SLC7A11: variants seen among roughly 807,000 people sequenced by gnomAD.
SLC7A11 encodes cystine/glutamate transporter.
A neutral mutation model predicts 54.5 loss-of-function variants in SLC7A11; 35 were observed. The observed-to-expected ratio is 0.64, with a 90% CI of 0.49 to 0.85. The LOEUF is 0.85. SLC7A11 is among the 40% of genes least tolerant of loss of function. The pLI is 0.00. For missense variants in SLC7A11, 583 were observed against 618.1 expected (o/e 0.94, Z 0.60); for synonymous variants, 230 against 225.2 (o/e 1.02, Z -0.19).
chr4:138,215,325 A>T (rs990129866), intron 5 of SLC7A11, among the ~76,000 whole-genome samples: 2 of 152,136 alleles, frequency 1.3e-5, no homozygotes, highest in African/African-American at 4.8e-5. Context: ...AGGAGCACAG[A>T]TTCATAGGTA....
At chr4:138,200,358 G>A (rs1225962052) in intron 6 of SLC7A11, among the ~76,000 whole-genome samples, 2 of 152,102 alleles carry the variant, frequency 1.3e-5, no homozygotes, top group Middle Eastern at 6.8e-3. Flanking sequence ...TTCAGTAAAC[G>A]ACCTGAAATG....
intron 6 of SLC7A11, among the ~76,000 whole-genome samples, chr4:138,194,622 T>C (rs892430892): frequency 6.6e-6 from 1 of 152,164 alleles, no homozygotes; most frequent in Non-Finnish European, 1.5e-5. Context: ...AAAATGTCTA[T>C]ATATACCATC....
chr4:138,186,270 C>G (rs533327521), intron 6 of SLC7A11, among the ~76,000 whole-genome samples: 2 of 152,118 alleles, frequency 1.3e-5, no homozygotes, highest in Non-Finnish European at 2.9e-5. Flanking sequence ...TCAGCCCTCA[C>G]GGAGCCTTCA....
At chr4:138,218,056 C>T (rs1163139785) in intron 5 of SLC7A11, among the ~76,000 whole-genome samples, 1 of 152,088 alleles carries the variant, frequency 6.6e-6, no homozygotes, top group Non-Finnish European at 1.5e-5. Context: ...CATATTTTGC[C>T]TCAAAGGCCA....
intron 6 of SLC7A11, among the ~76,000 whole-genome samples, chr4:138,206,996 C>CCAA (rs1553943857): frequency 3.5e-5 from 4 of 113,614 alleles, no homozygotes; most frequent in African/African-American, 1.3e-4. Context: ...TAAAGAAAAG[C>CCAA]AAAAAAAAAA....
intron 6 of SLC7A11, among the ~76,000 whole-genome samples, chr4:138,201,391 TAAGA>T (rs1051617084): frequency 5.3e-5 from 8 of 152,084 alleles, no homozygotes; most frequent in African/African-American, 1.7e-4. Flanking sequence ...AGAAAGCATA[TAAGA>T]AAGGGAAAGA....
chr4:138,224,564 C>T (rs539230023), intron 3 of SLC7A11, among the ~76,000 whole-genome samples: 1 of 152,082 alleles, frequency 6.6e-6, no homozygotes, highest in South Asian at 2.1e-4. Context: ...CAGAATTTAA[C>T]AATCAATGCA....
At chr4:138,213,415 G>A (rs1039416890) in intron 6 of SLC7A11, among the ~76,000 whole-genome samples, 13 of 151,946 alleles carry the variant, frequency 8.6e-5, no homozygotes, top group African/African-American at 3.1e-4. Flanking sequence ...CTATCTTAGT[G>A]TGAATTGTCA....
At position 138,241,981 on chromosome 4, in the gene SLC7A11, T is replaced by C. The variant is rs1209568964; in HGVS notation, c.89A>G (p.Lys30Arg). 6.2e-7 allele frequency: 1 copy of C among 1,614,200 alleles called. No homozygotes were observed. The highest frequency in any genetic ancestry group is 8.5e-7 in the Non-Finnish European group (1 of 1,180,034). ...VNGRLPSLGN[K>R]EPPGQEKVQL... is the part of the protein sequence containing the mutation. ...CACTTTCTCCTGCCCAGGTGGCTCC[T>C]TGTTGCCCAGGGAAGGCAGCCTCCC... Residue 30 changes from lysine (K) to arginine (R), a missense_variant, in exon 1 of 12, where the codon AAG becomes AGG. Coordinates refer to ENST00000280612, the MANE Select transcript of SLC7A11 (RefSeq NM_014331.4).
chr4:138,230,719 T>A (rs1445015302), intron 3 of SLC7A11, among the ~76,000 whole-genome samples: 1 of 152,172 alleles, frequency 6.6e-6, no homozygotes, highest in Non-Finnish European at 1.5e-5. Context: ...TGAAGCAAAC[T>A]CTATTTCATT....
At position 138,168,486 on chromosome 4, in the gene SLC7A11, GATAAA is replaced by G. The variant is rs1736325690; in HGVS notation, c.*3465_*3469del. The G allele has an allele frequency of 6.6e-6, 1 of 152,092 alleles. No individual in the cohort carries two copies. The highest frequency in any genetic ancestry group is 2.1e-4 in the South Asian group (1 of 4,824). 9.4% of individuals were successfully genotyped at this position (152,092 alleles called of 1,614,324 possible). A position where few individuals can be genotyped will look rare whatever the true frequency, so the allele number is the denominator to read the frequency against. ...AGCAGTATATTCATCTGCAAATCAA[GATAAA>G]ATAATGATTTTCCTGTAGACTGATT... On this transcript the variant is annotated 3_prime_UTR_variant, in exon 12 of 12. Coordinates refer to ENST00000280612, the MANE Select transcript of SLC7A11 (RefSeq NM_014331.4).
Position 138,180,681 on chromosome 4 carries a change from T to C in SLC7A11, c.1226A>G (p.Tyr409Cys), listed in dbSNP as rs1262845464. ...FIGLAVAGLIYLRYKCPDMHR... is the reference protein window; with the variant it reads ...FIGLAVAGLICLRYKCPDMHR... ...CATATCTGGGCATTTGTATCGAAGA[T>C]AAATCAGCCCAGCAACTGCCAGCCC... Residue 409 changes from tyrosine (Y) to cysteine (C), a missense_variant, in exon 10 of 12, where the codon TAT (tyrosine) becomes TGT (cysteine). Physicochemically the swap from Tyr to Cys is radical, Grantham distance 194. Coordinates refer to ENST00000280612, the MANE Select transcript of SLC7A11 (RefSeq NM_014331.4). The C allele has an allele frequency of 2.5e-6, 4 of 1,612,828 alleles. No homozygotes were observed. The highest frequency in any genetic ancestry group is 3.4e-6 in the Non-Finnish European group (4 of 1,179,406).
intron 6 of SLC7A11, among the ~76,000 whole-genome samples, chr4:138,203,047 A>C (rs1737325104): frequency 6.6e-6 from 1 of 152,122 alleles, no homozygotes; most frequent in African/African-American, 2.4e-5. Flanking sequence ...TGACCTTACC[A>C]CACTTATAAG....
chr4:138,227,544 T>C (rs942287777), intron 3 of SLC7A11, among the ~76,000 whole-genome samples: 5 of 152,180 alleles, frequency 3.3e-5, no homozygotes, highest in African/African-American at 1.2e-4. Context: ...TATGACATAG[T>C]CATTTTATTG....
chr4:138,231,483 T>C (rs1034073402), intron 3 of SLC7A11, among the ~76,000 whole-genome samples: 1 of 152,192 alleles, frequency 6.6e-6, no homozygotes, highest in Non-Finnish European at 1.5e-5. Context: ...CTGTGTAGCT[T>C]TCTCTTTATG....
intron 6 of SLC7A11, among the ~76,000 whole-genome samples, chr4:138,206,763 G>A (rs1221243289): frequency 1.3e-5 from 2 of 151,740 alleles, no homozygotes; most frequent in Non-Finnish European, 2.9e-5. Context: ...TTGATCCCAA[G>A]GTACATCAAC....
At position 138,223,292 on chromosome 4, in the gene SLC7A11, T is replaced by G. The variant is rs1737860763; in HGVS notation, c.553A>C (p.Ser185Arg). 5.0e-6 allele frequency: 8 copies of G among 1,613,678 alleles called. No individual in the cohort carries two copies. The highest frequency in any genetic ancestry group is 1.3e-5 in the African/African-American group (1 of 75,044). The change falls in exon 4 of 12, where the codon AGC (serine) becomes CGC (arginine). Residue 185 changes from serine to arginine, a missense_variant. Coordinates refer to ENST00000280612, the MANE Select transcript of SLC7A11 (RefSeq NM_014331.4). ...VVMVLNSMSV[S>R]WSARIQIFLT... is the part of the protein sequence containing the mutation. ...AAAATCTGGATCCGGGCGCTCCAGC[T>G]GACACTCATGCTATTTAGGACCATC...
At chr4:138,194,153 G>A (rs1040313692) in intron 6 of SLC7A11, among the ~76,000 whole-genome samples, 3 of 152,078 alleles carry the variant, frequency 2.0e-5, no homozygotes, top group Non-Finnish European at 2.9e-5. Context: ...CACCCTGCCA[G>A]TTCAGAGAGA....
chr4:138,185,719 C>T (rs1368284934), intron 6 of SLC7A11, among the ~76,000 whole-genome samples: 1 of 152,152 alleles, frequency 6.6e-6, no homozygotes, highest in Non-Finnish European at 1.5e-5. Context: ...AATTCACTGC[C>T]TTGACACCTT....
Sources: gnomAD v4.1 joint callset for allele counts (sites outside exome capture counted in the v4.1 genomes callset) on GRCh38, gnomAD v4.1.1 for gene constraint, MANE v1.5 for transcripts, NCBI Gene and HGNC (gene_info 2026-07-23, HGNC 2026-07-21) for gene names.